FSHR: variants seen among roughly 807,000 people sequenced by gnomAD.
FSHR encodes follicle-stimulating hormone receptor.
A neutral mutation model predicts 52.1 loss-of-function variants in FSHR; 46 were observed. That is an observed-to-expected ratio of 0.88 (90% confidence interval 0.70 to 1.13). The LOEUF is 1.13. Among genes scored for constraint, FSHR ranks in the 50% most tolerant of loss-of-function variants. FSHR has a pLI of 0.00. For missense variants in FSHR, 964 were observed against 834.6 expected (o/e 1.16, Z -1.91); for synonymous variants, 399 against 309.6 (o/e 1.29, Z -3.03).
Position 49,139,197 on chromosome 2 carries a change from G to T in FSHR, c.152+15069C>A, listed in dbSNP as rs980095172. On this transcript the variant is annotated intron_variant, in intron 1 of 9. Coordinates refer to ENST00000406846, the MANE Select transcript of FSHR (RefSeq NM_000145.4). ...TTTCACAGGAGACTTGGCCCACATA[G>T]AACTTTAAAAAGGGATTTTGGTGTC... 2.6e-5 allele frequency among the ~76,000 whole-genome samples: 4 copies of T among 152,126 alleles called. No individual in the cohort carries two copies. The South Asian group carries it at 6.2e-4, about 24-fold the overall frequency.
intron 1 of FSHR, among the ~76,000 whole-genome samples, chr2:49,091,656 T>G (rs1670616169): frequency 6.6e-6 from 1 of 152,228 alleles, no homozygotes; most frequent in Admixed American, 6.5e-5. Flanking sequence ...TACTATCCTT[T>G]TGCTGATGAA....
Position 48,983,096 on chromosome 2 carries a change from A to G in FSHR, c.593+2T>C. 6.8e-6 allele frequency: 11 copies of G among 1,613,964 alleles called. No homozygotes were observed. The highest frequency in any genetic ancestry group is 9.3e-6 in the Non-Finnish European group (11 of 1,179,826). On this transcript the variant is annotated splice_donor_variant, in intron 7 of 9. Transcript: ENST00000406846. LOFTEE classifies it high-confidence loss of function. ...CCTTGAAGAATAGTCAGGGCTACTT[A>G]CAGCTCATCTAGTTGGGTTCCATTG...
intron 3 of FSHR, among the ~76,000 whole-genome samples, chr2:49,018,655 G>C (rs890009783): frequency 3.9e-4 from 59 of 152,278 alleles, no homozygotes; most frequent in African/African-American, 1.4e-3. Flanking sequence ...AGACCAAGTG[G>C]AAAGAGAAGA....
intron 1 of FSHR, among the ~76,000 whole-genome samples, chr2:49,153,167 C>A (rs1012991622): frequency 6.6e-6 from 1 of 152,200 alleles, no homozygotes. Flanking sequence ...AAATGCAACA[C>A]CAACATGTTT....
At position 49,020,201 on chromosome 2, in the gene FSHR, C is replaced by T. The variant is rs755282386; in HGVS notation, c.225-41G>A. 4.0e-6 allele frequency: 6 copies of T among 1,493,880 alleles called. No individual in the cohort carries two copies. In the East Asian group the frequency reaches 6.8e-5, roughly 17 times the overall value. 92.5% of individuals were successfully genotyped at this position (1,493,880 alleles called of 1,614,324 possible). On this transcript the variant is annotated intron_variant, in intron 2 of 9. Coordinates refer to ENST00000406846, the MANE Select transcript of FSHR (RefSeq NM_000145.4). ...TATATAAGTCAAGCCAGTTCAGTTA[C>T]ACTCCTTGAATATTTTTAGGGCTCA...
chr2:49,045,785 C>T (rs1332811372), intron 2 of FSHR, among the ~76,000 whole-genome samples: 2 of 152,132 alleles, frequency 1.3e-5, no homozygotes, highest in Non-Finnish European at 2.9e-5. Flanking sequence ...GTGCCAAGTG[C>T]TCAACGCTGA....
At chr2:49,084,820 C>G (rs1262471508) in intron 1 of FSHR, among the ~76,000 whole-genome samples, 3 of 152,042 alleles carry the variant, frequency 2.0e-5, no homozygotes, top group African/African-American at 7.2e-5. Context: ...CTGAATAGAC[C>G]AATAACAGGA....
chr2:49,103,342 C>G (rs1671102192), intron 1 of FSHR, among the ~76,000 whole-genome samples: 1 of 152,130 alleles, frequency 6.6e-6, no homozygotes, highest in Non-Finnish European at 1.5e-5. Flanking sequence ...AGGCTCACAT[C>G]AAAAAGTGGC....
chr2:48,975,035 T>G (rs901912512), intron 8 of FSHR, among the ~76,000 whole-genome samples: 10 of 152,164 alleles, frequency 6.6e-5, no homozygotes, highest in Non-Finnish European at 1.5e-4. Flanking sequence ...CACATCTTCA[T>G]GGGAGTACAT....
intron 1 of FSHR, among the ~76,000 whole-genome samples, chr2:49,147,618 C>T (rs1430934208): frequency 6.6e-6 from 1 of 152,004 alleles, no homozygotes; most frequent in Admixed American, 6.6e-5. Context: ...TAGCTCTTAG[C>T]CAATTCTCAG....
At chr2:49,020,289 G>T in intron 2 of FSHR, 129 bp from the exon 3 acceptor site, 2 of 802,646 alleles carry the variant, frequency 2.5e-6, no homozygotes, top group East Asian at 2.5e-5. Context: ...TGCCATTAAA[G>T]AAGTCAGCTG....
chr2:49,013,553 T>C (rs1024053605), intron 4 of FSHR, among the ~76,000 whole-genome samples: 2 of 145,444 alleles, frequency 1.4e-5, no homozygotes, highest in South Asian at 4.2e-4. Flanking sequence ...TAAATATATA[T>C]ATGGTTTATT....
intron 1 of FSHR, among the ~76,000 whole-genome samples, chr2:49,102,055 G>A (rs747646146): frequency 6.6e-6 from 1 of 152,048 alleles, no homozygotes; most frequent in African/African-American, 2.4e-5. Context: ...GTTTTGGAGG[G>A]GACAGATATT....
At chr2:49,136,666 TTTAA>T (rs1171485361) in intron 1 of FSHR, among the ~76,000 whole-genome samples, 1 of 152,104 alleles carries the variant, frequency 6.6e-6, no homozygotes, top group Non-Finnish European at 1.5e-5. Flanking sequence ...ATATATCATG[TTTAA>T]TTAATTGAGT....
chr2:49,010,405 T>G (rs1000612965), intron 4 of FSHR, among the ~76,000 whole-genome samples: 3 of 152,076 alleles, frequency 2.0e-5, no homozygotes, highest in African/African-American at 7.2e-5. Context: ...ATAAGCTTTT[T>G]GATGTGTTGC....
intron 2 of FSHR, among the ~76,000 whole-genome samples, chr2:49,061,150 A>G (rs983111271): frequency 2.6e-5 from 4 of 152,034 alleles, no homozygotes. Context: ...AGAGTCACAA[A>G]TCTTGGCTTC....
chr2:49,115,189 C>T (rs534521724), intron 1 of FSHR, among the ~76,000 whole-genome samples: 17 of 150,926 alleles, frequency 1.1e-4, no homozygotes, highest in African/African-American at 3.7e-4. Flanking sequence ...AACCAGGCCA[C>T]CTGGAGGCAC....
chr2:49,153,106 A>G (rs1010518042), intron 1 of FSHR, among the ~76,000 whole-genome samples: 1 of 152,220 alleles, frequency 6.6e-6, no homozygotes, highest in Non-Finnish European at 1.5e-5. Context: ...TGGCAAACAG[A>G]ATCAATCAGG....
chr2:49,033,337 G>C lies in FSHR; in HGVS notation c.225-13177C>G, dbSNP rs180968835. Among the ~76,000 whole-genome samples, 484 of 152,256 alleles carry C rather than the reference G, an allele frequency of 3.2e-3. 3 individuals carry two copies. Among genetic ancestry groups the C allele is most frequent in the African/African-American group, 0.011 (457 of 41,568 alleles). ...TAACCTAAAGATATGTCTTATAGTA[G>C]AAACAGTTTATAACCTGCCAAGAAG... is the stretch of plus-strand genomic sequence containing the variant. On this transcript the variant is annotated intron_variant, in intron 2 of 9. Coordinates refer to ENST00000406846, the MANE Select transcript of FSHR (RefSeq NM_000145.4).
Sources: allele counts gnomAD v4.1 joint callset (sites outside exome capture counted in the v4.1 genomes callset), GRCh38; gene constraint gnomAD v4.1.1; transcripts MANE v1.5; gene names NCBI Gene and HGNC (gene_info 2026-07-23, HGNC 2026-07-21).